Variants in ARHGAP15 observed in about 807,000 individuals in gnomAD.
ARHGAP15 encodes rho GTPase-activating protein 15.
Under a neutral mutation model 63.7 loss-of-function variants are expected in ARHGAP15, and 51 were observed. The observed-to-expected ratio is 0.80, with a 90% CI of 0.64 to 1.01. ARHGAP15 has a LOEUF of 1.01. Among genes scored for constraint, ARHGAP15 ranks in the 50% least tolerant of loss-of-function variants. The pLI is 0.00. For synonymous variants in ARHGAP15, 191 were observed against 193.8 expected, an observed-to-expected ratio of 0.99 and a Z score of 0.12; for missense variants, 560 against 564.6, an observed-to-expected ratio of 0.99 and a Z score of 0.08.
At chr2:143,621,091 G>A (rs1316035024) in intron 11 of ARHGAP15, among the ~76,000 whole-genome samples, 1 of 152,082 alleles carries the variant, frequency 6.6e-6, no homozygotes, top group East Asian at 1.9e-4. Context: ...GGAGATACGT[G>A]GCAATCTCTA....
At chr2:143,499,599 G>T (rs184657551) in intron 9 of ARHGAP15, among the ~76,000 whole-genome samples, 2 of 152,292 alleles carry the variant, frequency 1.3e-5, no homozygotes, top group Non-Finnish European at 2.9e-5. Context: ...GATAAATTTT[G>T]ATGAAGTGGG....
chr2:143,290,384 A>T (rs1682329498), intron 6 of ARHGAP15, among the ~76,000 whole-genome samples: 1 of 151,992 alleles, frequency 6.6e-6, no homozygotes, highest in Non-Finnish European at 1.5e-5. Flanking sequence ...AAAATAGGAA[A>T]TGATGGCAAC....
At chr2:143,733,783 TA>T (rs1289708121) in intron 13 of ARHGAP15, among the ~76,000 whole-genome samples, 1 of 152,086 alleles carries the variant, frequency 6.6e-6, no homozygotes, top group African/African-American at 2.4e-5. Context: ...CCTAATAAGA[TA>T]AAAAAGTGTG....
chr2:143,345,616 C>T (rs1685235019), intron 6 of ARHGAP15, among the ~76,000 whole-genome samples: 2 of 152,042 alleles, frequency 1.3e-5, no homozygotes, highest in South Asian at 4.1e-4. Context: ...CATGGACTCA[C>T]ACACATTGCC....
intron 11 of ARHGAP15, among the ~76,000 whole-genome samples, chr2:143,602,732 A>G (rs1697823285): frequency 6.6e-6 from 1 of 152,222 alleles, no homozygotes; most frequent in Admixed American, 6.5e-5. Context: ...TATATTAAAG[A>G]AGCAATATCA....
At chr2:143,670,445 C>T (rs771279610) in intron 12 of ARHGAP15, among the ~76,000 whole-genome samples, 20 of 152,138 alleles carry the variant, frequency 1.3e-4, no homozygotes, top group Admixed American at 2.0e-4. Context: ...GCAAAGGATG[C>T]GGAAGATCAG....
At chr2:143,191,713 A>G (rs899588877) in intron 2 of ARHGAP15, among the ~76,000 whole-genome samples, 4 of 152,222 alleles carry the variant, frequency 2.6e-5, no homozygotes, top group African/African-American at 9.6e-5. Flanking sequence ...GTTTTGGATC[A>G]ATCTAGTCAT....
chr2:143,244,737 C>T (rs977268643), intron 5 of ARHGAP15, among the ~76,000 whole-genome samples: 2 of 152,002 alleles, frequency 1.3e-5, no homozygotes, highest in African/African-American at 4.8e-5. Flanking sequence ...TTGTGTCTCA[C>T]ATTGAACGAA....
intron 6 of ARHGAP15, among the ~76,000 whole-genome samples, chr2:143,332,687 C>T (rs976924960): frequency 6.6e-5 from 10 of 152,092 alleles, no homozygotes; most frequent in Admixed American, 5.9e-4. Context: ...GAGGTTACGC[C>T]GATTGCTTTT....
rs545360532 is a variant in ARHGAP15, at chr2:143,389,394, C to T, written c.475-46207C>T. Reference sequence around the variant, plus strand: ...TACTGAAAGAAGCAACCTTACACCACGCAAGGTCTATGGAAAACAAAAACT... The same window carrying T: ...TACTGAAAGAAGCAACCTTACACCATGCAAGGTCTATGGAAAACAAAAACT... On this transcript the variant is annotated intron_variant, in intron 6 of 13. Coordinates refer to ENST00000295095, the MANE Select transcript of ARHGAP15 (RefSeq NM_018460.4). Among the ~76,000 whole-genome samples, 5 of 152,174 alleles carry T rather than the reference C, an allele frequency of 3.3e-5. No homozygotes were observed. The East Asian group carries it at 5.8e-4, about 18-fold the overall frequency.
intron 6 of ARHGAP15, among the ~76,000 whole-genome samples, chr2:143,335,614 C>T (rs1684737726): frequency 6.6e-6 from 1 of 152,166 alleles, no homozygotes; most frequent in Non-Finnish European, 1.5e-5. Flanking sequence ...TCAGTATATA[C>T]TTATGCCAAG....
At chr2:143,522,597 G>C (rs1051468046) in intron 10 of ARHGAP15, among the ~76,000 whole-genome samples, 1 of 152,086 alleles carries the variant, frequency 6.6e-6, no homozygotes, top group Non-Finnish European at 1.5e-5. Context: ...TGTAGAGCAG[G>C]GGTATCTAAT....
chr2:143,258,027 C>A (rs985620166), intron 6 of ARHGAP15, among the ~76,000 whole-genome samples: 1 of 151,940 alleles, frequency 6.6e-6, no homozygotes, highest in African/African-American at 2.4e-5. Context: ...AGCAAACAGA[C>A]CTATTCCAGA....
At chr2:143,240,740 G>A (rs530768110) in intron 5 of ARHGAP15, among the ~76,000 whole-genome samples, 8 of 152,140 alleles carry the variant, frequency 5.3e-5, no homozygotes, top group Non-Finnish European at 1.2e-4. Context: ...AATGGGTAGA[G>A]ATGGAAATAC....
chr2:143,449,797 A>G (rs1015346915), intron 8 of ARHGAP15, among the ~76,000 whole-genome samples: 1 of 152,014 alleles, frequency 6.6e-6, no homozygotes, highest in Non-Finnish European at 1.5e-5. Context: ...CTGAAATAAA[A>G]CCTCATTTTT....
intron 9 of ARHGAP15, among the ~76,000 whole-genome samples, chr2:143,511,936 A>C (rs1261134591): frequency 6.6e-6 from 1 of 152,170 alleles, no homozygotes; most frequent in Admixed American, 6.5e-5. Flanking sequence ...GTGCATTATC[A>C]TCTCTTCTCA....
intron 5 of ARHGAP15, among the ~76,000 whole-genome samples, chr2:143,248,910 C>G (rs1203906926): frequency 3.9e-5 from 6 of 152,256 alleles, no homozygotes; most frequent in Middle Eastern, 3.4e-3. Context: ...CCTGACTTGA[C>G]TGTATGGGAA....
intron 11 of ARHGAP15, among the ~76,000 whole-genome samples, chr2:143,621,102 GAC>G (rs1350889392): frequency 6.6e-6 from 1 of 152,060 alleles, no homozygotes; most frequent in Non-Finnish European, 1.5e-5. Flanking sequence ...GCAATCTCTA[GAC>G]ACAATTTTTA....
At chr2:143,694,870 A>C (rs1559130503) in intron 12 of ARHGAP15, among the ~76,000 whole-genome samples, 1 of 151,840 alleles carries the variant, frequency 6.6e-6, no homozygotes, top group South Asian at 2.1e-4. Flanking sequence ...TTTAACCCAA[A>C]GACAGGAAAA....
Sources: gnomAD v4.1 joint callset for allele counts (sites outside exome capture counted in the v4.1 genomes callset) on GRCh38, gnomAD v4.1.1 for gene constraint, MANE v1.5 for transcripts, NCBI Gene and HGNC (gene_info 2026-07-23, HGNC 2026-07-21) for gene names.